Variants in ESF1 observed in about 807,000 individuals in gnomAD.
ESF1 encodes ESF1 homolog.
Under a neutral mutation model 92.0 loss-of-function variants are expected in ESF1, and 58 were observed. The ratio of observed to expected loss-of-function variants is 0.63; its 90% CI spans 0.51 to 0.78. The LOEUF (loss-of-function observed/expected upper bound fraction) is 0.78, where lower values mean the gene tolerates loss of function less well. Among genes scored for constraint, ESF1 ranks in the 30% least tolerant of loss-of-function variants. ESF1 has a pLI of 0.00. For synonymous variants in ESF1, 321 were observed against 313.7 expected (o/e 1.02, Z -0.24); for missense variants, 922 against 989.1 (o/e 0.93, Z 0.91).
In ESF1 at chr20:13,748,592, A is replaced by ATTTTTTT. The variant is rs58809594; in HGVS notation, c.1828+11093_1828+11099dup. 1.3e-4 allele frequency among the ~76,000 whole-genome samples: 12 copies of ATTTTTTT among 95,740 alleles called. 1 individual carries two copies. Among genetic ancestry groups the ATTTTTTT allele is most frequent in the Non-Finnish European group, 2.0e-4 (11 of 54,256 alleles). 62.8% of individuals were successfully genotyped at this position (95,740 alleles called of 152,430 possible). A position where few individuals can be genotyped will look rare whatever the true frequency, so the allele number is the denominator to read the frequency against. The stretch of plus-strand genomic sequence containing the variant: ...TGTGTGTGTATATATATATATATAT[A>ATTTTTTT]TTTTTTTTTTTTTGAGATGGAGTGT... On this transcript the variant is annotated intron_variant, in intron 9 of 13. Transcript: ENST00000617257.
intron 11 of ESF1, among the ~76,000 whole-genome samples, chr20:13,720,784 A>G (rs1313754577): frequency 6.6e-6 from 1 of 152,228 alleles, no homozygotes; most frequent in Non-Finnish European, 1.5e-5. Context: ...TGTTCACTGT[A>G]TTATTCTCTC....
intron 2 of ESF1, among the ~76,000 whole-genome samples, chr20:13,782,158 G>A (rs561316467): frequency 9.2e-5 from 14 of 152,268 alleles, no homozygotes; most frequent in African/African-American, 3.1e-4. Context: ...GATTACAGGC[G>A]TGAGCCACCA....
intron 9 of ESF1, among the ~76,000 whole-genome samples, chr20:13,758,055 G>A (rs1429603875): frequency 9.9e-6 from 1 of 101,490 alleles, no homozygotes; most frequent in East Asian, 5.0e-4. Context: ...GCCTTATGGT[G>A]GAGATTTACT....
intron 13 of ESF1, 69 bp from the exon 14 acceptor site, chr20:13,715,236 A>G: frequency 7.2e-7 from 1 of 1,381,786 alleles, no homozygotes; most frequent in Non-Finnish European, 9.5e-7. Context: ...AAGGCCAGAA[A>G]TGGGGCCAAA....
chr20:13,759,636 G>C (rs2297050), intron 9 of ESF1, 56 bp downstream of exon 9: 291,967 of 1,540,078 alleles, frequency 0.19, 35,814 homozygotes, highest in East Asian at 0.58. Context: ...ATATTTAAAA[G>C]GTACTCAACA....
intron 6 of ESF1, 72 bp from the exon 7 acceptor site, chr20:13,770,093 T>C: frequency 1.2e-6 from 1 of 849,142 alleles, no homozygotes; most frequent in Non-Finnish European, 1.9e-6. Flanking sequence ...TCTCATCTAA[T>C]TAGTTGTAGT....
At chr20:13,758,351 C>T (rs890044141) in intron 9 of ESF1, among the ~76,000 whole-genome samples, 4 of 152,154 alleles carry the variant, frequency 2.6e-5, no homozygotes, top group African/African-American at 9.7e-5. Flanking sequence ...CACCAGTAAA[C>T]TTCATTCGTT....
chr20:13,751,576 G>A (rs2079091501), intron 9 of ESF1, among the ~76,000 whole-genome samples: 1 of 152,158 alleles, frequency 6.6e-6, no homozygotes, highest in African/African-American at 2.4e-5. Context: ...AGGGATGTGG[G>A]GGGGAACCAG....
chr20:13,736,599 G>T (rs1039812699), intron 9 of ESF1, among the ~76,000 whole-genome samples: 15 of 152,056 alleles, frequency 9.9e-5, no homozygotes, highest in Non-Finnish European at 1.9e-4. Flanking sequence ...TTAAAGGAGG[G>T]ATTCTTATTT....
intron 9 of ESF1, among the ~76,000 whole-genome samples, chr20:13,747,528 G>T (rs1002796059): frequency 6.6e-6 from 1 of 150,914 alleles, no homozygotes; most frequent in Non-Finnish European, 1.5e-5. Flanking sequence ...TGGCACCACT[G>T]CACTGCAGCC....
intron 9 of ESF1, among the ~76,000 whole-genome samples, chr20:13,746,012 G>GAA (rs1302463018): frequency 6.6e-6 from 1 of 151,948 alleles, no homozygotes; most frequent in East Asian, 1.9e-4. Context: ...ACCCAGACTG[G>GAA]AATGTAGTAG....
intron 9 of ESF1, among the ~76,000 whole-genome samples, chr20:13,747,945 T>C (rs1355687996): frequency 6.6e-6 from 1 of 152,236 alleles, no homozygotes; most frequent in East Asian, 1.9e-4. Context: ...GTTACTATAC[T>C]GAATGCTGTA....
At chr20:13,768,561 G>C (rs983694268) in intron 7 of ESF1, among the ~76,000 whole-genome samples, 1 of 151,420 alleles carries the variant, frequency 6.6e-6, no homozygotes, top group Non-Finnish European at 1.5e-5. Context: ...CAGCCTAGGC[G>C]ACAGAGTGAG....
chr20:13,754,335 C>T (rs1016850298), intron 9 of ESF1, among the ~76,000 whole-genome samples: 2 of 152,188 alleles, frequency 1.3e-5, no homozygotes, highest in African/African-American at 2.4e-5. Flanking sequence ...TCCAGCTGCT[C>T]GGAATGGTCC....
intron 9 of ESF1, among the ~76,000 whole-genome samples, chr20:13,741,319 T>G (rs115145003): frequency 1.4e-4 from 21 of 149,652 alleles, no homozygotes; most frequent in Admixed American, 6.1e-4. Context: ...CTTTCAATTG[T>G]TGCTTTTGGT....
rs372518192 is a variant in ESF1 at position 13,750,008 on chromosome 20, T to C, written c.1828+9684A>G. Reference sequence around the variant, plus strand: ...TTTGCACAGCCACCAGTTAAAGCCATAGGAGTTTTTACTGGCTTCACCACA... The same window carrying C: ...TTTGCACAGCCACCAGTTAAAGCCACAGGAGTTTTTACTGGCTTCACCACA... On this transcript the variant is annotated intron_variant, in intron 9 of 13. Transcript: ENST00000617257. Among the ~76,000 whole-genome samples the C allele has an allele frequency of 1.1e-4, 17 of 152,294 alleles. No individual in the cohort carries two copies. In the East Asian group the frequency reaches 2.7e-3, roughly 24 times the overall value.
chr20:13,768,837 CAGTGAGCAG>C (rs1568726293), intron 7 of ESF1, among the ~76,000 whole-genome samples: 1 of 140,600 alleles, frequency 7.1e-6, no homozygotes, highest in Non-Finnish European at 1.5e-5. Context: ...GCAGAGGTTG[CAGTGAGCAG>C]AGATCGCGCC....
At chr20:13,778,981 G>A (rs1001583531) in intron 2 of ESF1, among the ~76,000 whole-genome samples, 16 of 152,176 alleles carry the variant, frequency 1.1e-4, no homozygotes, top group African/African-American at 3.6e-4. Context: ...AGGAAGTTGC[G>A]GCTGCAGTGA....
intron 9 of ESF1, among the ~76,000 whole-genome samples, chr20:13,735,994 T>C (rs1054550314): frequency 6.6e-6 from 1 of 152,120 alleles, no homozygotes; most frequent in Non-Finnish European, 1.5e-5. Context: ...TTTATGACTA[T>C]CCAAAGATCA....
Sources: gnomAD v4.1 joint callset for allele counts (sites outside exome capture counted in the v4.1 genomes callset) on GRCh38, gnomAD v4.1.1 for gene constraint, MANE v1.5 for transcripts, NCBI Gene and HGNC (gene_info 2026-07-23, HGNC 2026-07-21) for gene names.